The following ZBTB17 variants were observed in gnomAD, a reference collection of about 807,000 sequenced individuals.
ZBTB17 encodes zinc finger and BTB domain containing 17.
Under a neutral mutation model 85.1 loss-of-function variants are expected in ZBTB17, and 24 were observed. The observed-to-expected ratio is 0.28, with a 90% CI of 0.20 to 0.40. ZBTB17 has a LOEUF of 0.40. Ranked by LOEUF, ZBTB17 falls within the 10% of genes least tolerant of loss-of-function variation. The probability of loss-of-function intolerance (pLI) is 1.00; values close to 1 mark genes in which losing one functional copy is unlikely to be tolerated. For synonymous variants in ZBTB17, 464 were observed against 460.2 expected, an observed-to-expected ratio of 1.01 and a Z score of -0.11; for missense variants, 743 against 1,105.1, an observed-to-expected ratio of 0.67 and a Z score of 4.65.
At chr1:15,947,380 C>G in intron 3 of ZBTB17, 1 of 496,590 alleles carries the variant, frequency 2.0e-6, no homozygotes, top group Non-Finnish European at 3.6e-6. Flanking sequence ...GAACGCCCAC[C>G]CTGCACAGAG....
In ZBTB17 at chr1:15,945,255, C is replaced by A. The variant is rs1297944946; in HGVS notation, c.662-53G>T. 4 of 1,534,640 alleles carry A rather than the reference C, an allele frequency of 2.6e-6. No homozygotes were observed. The African/African-American group carries it at 5.5e-5, about 21-fold the overall frequency. ...CGGCAGCCCTCTCTGCCTGAGCGCA[C>A]GTGAGGGGCGCCGGCAACATGTGGA... On this transcript the variant is annotated intron_variant, in intron 6 of 15. Transcript: ENST00000375743.
rs952723676 is a variant in ZBTB17 at position 15,948,049 on chromosome 1, G to A, written c.205+242C>T. On this transcript the variant is annotated intron_variant, in intron 3 of 15. Coordinates refer to ENST00000375743, the MANE Select transcript of ZBTB17 (RefSeq NM_003443.3). ...ATGAGGCCTTTCCTGTGTTCACTGC[G>A]GCCTAGAGCTCATCATGAGCCCTTC... The A allele has an allele frequency of 6.1e-5, 35 of 577,590 alleles. 1 individual carries two copies. Among genetic ancestry groups the A allele is most frequent in the African/African-American group, 4.8e-4 (26 of 53,716 alleles). 35.8% of individuals were successfully genotyped at this position (577,590 alleles called of 1,614,324 possible). A position where few individuals can be genotyped will look rare whatever the true frequency, so the allele number is the denominator to read the frequency against.
rs1226923869 is a variant in ZBTB17, at chr1:15,942,068, A to G, written c.2313T>C (p.Ala771=). Residue 771 remains alanine (A), a synonymous_variant, in exon 16 of 16, where the codon GCT becomes GCC. Transcript: ENST00000375743. ...GTWPAGQVLQ[A]GELVFRPRDG... ...CGCGAGGGCGGAAGACCAGCTCCCC[A>G]GCCTGCAGCACCTGCCCGGCAGGCC... 1.2e-6 allele frequency: 2 copies of G among 1,612,994 alleles called. No individual in the cohort carries two copies. The highest frequency in any genetic ancestry group is 1.7e-5 in the Admixed American group (1 of 60,026).
Position 15,952,051 on chromosome 1 carries a change from TGG to T in ZBTB17, c.-2-3556_-2-3555del, listed in dbSNP as rs1250066604. Reference sequence around the variant, plus strand: ...GTGGTCTTGTCTTCACCTTGCGTGATGGGCGATAAATATGTGCACTAGTTAAA... The same window carrying T: ...GTGGTCTTGTCTTCACCTTGCGTGATGCGATAAATATGTGCACTAGTTAAA... On this transcript the variant is annotated intron_variant, in intron 2 of 15. Transcript: ENST00000375743. The surrounding 1 kb of genome is among the most constrained non-coding windows in gnomAD (Gnocchi z 4.3). Among the ~76,000 whole-genome samples the T allele has an allele frequency of 2.6e-5, 4 of 152,192 alleles. No homozygotes were observed. The highest frequency in any genetic ancestry group is 9.7e-5 in the African/African-American group (4 of 41,446).
At position 15,943,131 on chromosome 1, in the gene ZBTB17, C is replaced by T; in HGVS notation, c.1761G>A (p.Lys587=). 6.2e-7 allele frequency: 1 copy of T among 1,614,162 alleles called. No individual in the cohort carries two copies. Among genetic ancestry groups the T allele is most frequent in the South Asian group, 1.1e-5 (1 of 91,088 alleles). The part of the protein sequence containing the change: ...IRHHDNIRPH[K]CSVCSKAFVN... Reference sequence around the variant, plus strand: ...CGAAGGCCTTGCTGCACACGCTGCACTTGTGTGGGCGGATGTTGTCGTGGT... The same window carrying T: ...CGAAGGCCTTGCTGCACACGCTGCATTTGTGTGGGCGGATGTTGTCGTGGT... The change falls in exon 13 of 16, where the codon AAG becomes AAA. Residue 587 remains lysine, a synonymous_variant. Transcript: ENST00000375743.
intron 4 of ZBTB17, 119 bp downstream of exon 4, chr1:15,946,816 C>T: frequency 7.8e-7 from 1 of 1,276,858 alleles, no homozygotes; most frequent in Non-Finnish European, 1.1e-6. Flanking sequence ...CCCTTGCCAG[C>T]ACCCACAACC....
At chr1:15,950,029 T>G (rs552473812) in intron 2 of ZBTB17, among the ~76,000 whole-genome samples, 8 of 152,348 alleles carry the variant, frequency 5.3e-5, no homozygotes, top group African/African-American at 1.7e-4. Flanking sequence ...CGCGCAGGCT[T>G]TGGCTCTCTC....
At position 15,952,047 on chromosome 1, in the gene ZBTB17, G is replaced by A. The variant is rs1020119025; in HGVS notation, c.-2-3550C>T. Among the ~76,000 whole-genome samples the A allele has an allele frequency of 1.3e-5, 2 of 152,170 alleles. No individual in the cohort carries two copies. Among genetic ancestry groups the A allele is most frequent in the Non-Finnish European group, 2.9e-5 (2 of 68,040 alleles). ...GTCTGTGGTCTTGTCTTCACCTTGC[G>A]TGATGGGCGATAAATATGTGCACTA... On this transcript the variant is annotated intron_variant, in intron 2 of 15. Coordinates refer to ENST00000375743, the MANE Select transcript of ZBTB17 (RefSeq NM_003443.3). The surrounding 1 kb of genome is among the most constrained non-coding windows in gnomAD (Gnocchi z 4.3).
chr1:15,953,908 C>T lies in ZBTB17; in HGVS notation c.-2-5411G>A, dbSNP rs2071954485. On this transcript the variant is annotated intron_variant, in intron 2 of 15. Transcript: ENST00000375743. The surrounding 1 kb of genome is among the most constrained non-coding windows in gnomAD (Gnocchi z 5.1). ...CTACTGTTGCCAGGAAGCAGAGATG[C>T]AGATGATAGTTTCATTTTTTTAGGC... 6.6e-6 allele frequency among the ~76,000 whole-genome samples: 1 copy of T among 152,238 alleles called. No individual in the cohort carries two copies. The highest frequency in any genetic ancestry group is 1.5e-5 in the Non-Finnish European group (1 of 68,044).
chr1:15,948,589 G>A, intron 2 of ZBTB17, 92 bp from the exon 3 acceptor site: 1 of 1,323,060 alleles, frequency 7.6e-7, no homozygotes, highest in Non-Finnish European at 1.0e-6. Context: ...CGAGCACCAT[G>A]GAGAAGACAG....
rs2071820559 is a variant in ZBTB17 at position 15,951,154 on chromosome 1, G to A, written c.-2-2657C>T. On this transcript the variant is annotated intron_variant, in intron 2 of 15. Coordinates refer to ENST00000375743, the MANE Select transcript of ZBTB17 (RefSeq NM_003443.3). The surrounding 1 kb of genome is among the most constrained non-coding windows in gnomAD (Gnocchi z 4.1). ...CAGAAGTGGGCTCCTCCCACACACGGGTGTTAGGAGGAGAAACAGAGGCGT... is the reference window on the plus strand; with the variant it reads ...CAGAAGTGGGCTCCTCCCACACACGAGTGTTAGGAGGAGAAACAGAGGCGT... Among the ~76,000 whole-genome samples the A allele has an allele frequency of 6.6e-6, 1 of 152,186 alleles. No homozygotes were observed. Among genetic ancestry groups the A allele is most frequent in the South Asian group, 2.1e-4 (1 of 4,830 alleles).
intron 2 of ZBTB17, among the ~76,000 whole-genome samples, chr1:15,962,256 A>G (rs1338963294): frequency 6.6e-6 from 1 of 152,194 alleles, no homozygotes; most frequent in Non-Finnish European, 1.5e-5. Context: ...GTGATTCCTG[A>G]TAAGGGACTG....
At chr1:15,960,472 T>C (rs1004423017) in intron 2 of ZBTB17, among the ~76,000 whole-genome samples, 3 of 152,206 alleles carry the variant, frequency 2.0e-5, no homozygotes, top group Admixed American at 6.5e-5. Context: ...TATCCTATCT[T>C]CTGAAAACGG....
rs74754652 is a variant in ZBTB17 at position 15,968,919 on chromosome 1, A to G, written c.-3+4120T>C. On this transcript the variant is annotated intron_variant, in intron 2 of 15. Coordinates refer to ENST00000375743, the MANE Select transcript of ZBTB17 (RefSeq NM_003443.3). ...GTAACATTTCATAAATGTCCACTAT[A>G]CCAGGGGTTCCCAACCCCTGGGCCA... is the stretch of plus-strand genomic sequence containing the variant. Among the ~76,000 whole-genome samples, 1,503 of 152,308 alleles carry G rather than the reference A, an allele frequency of 9.9e-3. 26 individuals carry two copies. The highest frequency in any genetic ancestry group is 0.034 in the African/African-American group (1,421 of 41,562).
At chr1:15,948,203 G>T in intron 3 of ZBTB17, 88 bp downstream of exon 3, 1 of 1,513,234 alleles carries the variant, frequency 6.6e-7, no homozygotes, top group Non-Finnish European at 9.1e-7. Context: ...ACAGCCTGCA[G>T]GTGCTGCCCC....
At chr1:15,971,258 A>G (rs2072638059) in intron 2 of ZBTB17, among the ~76,000 whole-genome samples, 2 of 151,608 alleles carry the variant, frequency 1.3e-5, no homozygotes, top group South Asian at 4.2e-4. Flanking sequence ...AAAAAAATCA[A>G]ACACTAAGAC....
rs35124967 is a variant in ZBTB17 at position 15,974,190 on chromosome 1, C to CAA, written c.-89-1067_-89-1066dup. 1.4e-3 allele frequency among the ~76,000 whole-genome samples: 153 copies of CAA among 112,616 alleles called. 1 individual carries two copies. Among genetic ancestry groups the CAA allele is most frequent in the South Asian group, 2.6e-3 (9 of 3,476 alleles). 73.9% of individuals were successfully genotyped at this position (112,616 alleles called of 152,430 possible). A position where few individuals can be genotyped will look rare whatever the true frequency, so the allele number is the denominator to read the frequency against. On this transcript the variant is annotated intron_variant, in intron 1 of 15. Transcript: ENST00000375743. ...TGGGTGACAGAGCAAGACGTAGTCT[C>CAA]AAAAAAAAAAAACAAAAACAAAAAC...
chr1:15,969,897 G>A lies in ZBTB17; in HGVS notation c.-3+3142C>T, dbSNP rs1158681361. The A allele has an allele frequency of 9.5e-6, 6 of 629,940 alleles. No individual in the cohort carries two copies. The African/African-American group carries it at 1.1e-4, about 11-fold the overall frequency. The allele number at this position is 629,940 out of a possible 1,614,324, so 39.0% of individuals were successfully genotyped here. ...AATTCCCCTTAGACAGACGGAGGCA[G>A]CTAGGACTCTGGAGTCAGGTGTGAA... On this transcript the variant is annotated intron_variant, in intron 2 of 15. Coordinates refer to ENST00000375743, the MANE Select transcript of ZBTB17 (RefSeq NM_003443.3).
At chr1:15,962,394 C>G (rs1162640888) in intron 2 of ZBTB17, among the ~76,000 whole-genome samples, 1 of 152,030 alleles carries the variant, frequency 6.6e-6, no homozygotes, top group Non-Finnish European at 1.5e-5. Context: ...TGCAAATAGA[C>G]CATAACCCAC....
Sources: gnomAD v4.1 joint callset for allele counts (sites outside exome capture counted in the v4.1 genomes callset) on GRCh38, gnomAD v4.1.1 for gene constraint, Gnocchi (gnomAD v3.1) non-coding constraint, MANE v1.5 for transcripts, NCBI Gene and HGNC (gene_info 2026-07-23, HGNC 2026-07-21) for gene names.